Variants in GRM5 observed in about 807,000 individuals in gnomAD.
GRM5 encodes metabotropic glutamate receptor 5.
A neutral mutation model predicts 83.1 loss-of-function variants in GRM5; 19 were observed. The observed-to-expected ratio is 0.23, with a 90% confidence interval of 0.16 to 0.34. The LOEUF (loss-of-function observed/expected upper bound fraction) is 0.34, where lower values mean the gene tolerates loss of function less well. GRM5 is among the 10% of genes least tolerant of loss of function. The pLI is 1.00. For synonymous variants in GRM5, 675 were observed against 633.6 expected, an observed-to-expected ratio of 1.07 and a Z score of -0.98; for missense variants, 1,160 against 1,588.3, an observed-to-expected ratio of 0.73 and a Z score of 4.58.
intron 6 of GRM5, among the ~76,000 whole-genome samples, chr11:88,596,689 T>C (rs1054895344): frequency 6.6e-6 from 1 of 152,118 alleles, no homozygotes; most frequent in African/African-American, 2.4e-5. Context: ...ATCCCTTTTG[T>C]ACAAACTTAT....
intron 3 of GRM5, among the ~76,000 whole-genome samples, chr11:88,748,566 G>A (rs1038100146): frequency 6.6e-6 from 1 of 152,120 alleles, no homozygotes; most frequent in Admixed American, 6.5e-5. Context: ...TCACCGCAAT[G>A]CAGTGTACCT....
Position 88,982,771 on chromosome 11 carries a change from C to T in GRM5, c.661+64441G>A, listed in dbSNP as rs1399753519. ...TCAGTACATTTGTACTGATTTCCAT[C>T]TTATATAGAAGTTGGCCGGGTGCAG... On this transcript the variant is annotated intron_variant, in intron 2 of 9. Transcript: ENST00000305447. 3.9e-5 allele frequency among the ~76,000 whole-genome samples: 6 copies of T among 152,244 alleles called. No homozygotes were observed. The South Asian group carries it at 1.0e-3, about 26-fold the overall frequency.
intron 4 of GRM5, among the ~76,000 whole-genome samples, chr11:88,606,540 AC>A (rs1413080200): frequency 6.6e-6 from 1 of 152,082 alleles, no homozygotes; most frequent in Non-Finnish European, 1.5e-5. Context: ...AAAACAAACA[AC>A]CAAAAAAGAT....
intron 3 of GRM5, among the ~76,000 whole-genome samples, chr11:88,660,847 CAT>C (rs1462300293): frequency 6.6e-6 from 1 of 152,156 alleles, no homozygotes; most frequent in African/African-American, 2.4e-5. Flanking sequence ...TAACTTCTCA[CAT>C]GTTTTCTGAT....
At chr11:89,039,547 A>AT (rs907610394) in intron 2 of GRM5, among the ~76,000 whole-genome samples, 42 of 152,088 alleles carry the variant, frequency 2.8e-4, no homozygotes, top group Non-Finnish European at 5.3e-4. Context: ...CAAAAAAAAA[A>AT]TTTTTTAAAT....
At chr11:88,882,034 G>A (rs938559425) in intron 2 of GRM5, among the ~76,000 whole-genome samples, 3 of 151,832 alleles carry the variant, frequency 2.0e-5, no homozygotes, top group African/African-American at 2.4e-5. Flanking sequence ...TTGAGCTCAG[G>A]ACTTTGAGAC....
chr11:88,527,200 T>C (rs1941900358), intron 8 of GRM5, among the ~76,000 whole-genome samples: 1 of 152,218 alleles, frequency 6.6e-6, no homozygotes, highest in Non-Finnish European at 1.5e-5. Context: ...AGAATATTGA[T>C]AGAATAATAA....
intron 2 of GRM5, among the ~76,000 whole-genome samples, chr11:88,933,298 A>G (rs1937777637): frequency 6.7e-6 from 1 of 149,832 alleles, no homozygotes; most frequent in Non-Finnish European, 1.5e-5. Context: ...TCATAATTAA[A>G]AAATAATAAT....
chr11:88,970,990 G>C (rs188077942), intron 2 of GRM5, among the ~76,000 whole-genome samples: 1 of 152,186 alleles, frequency 6.6e-6, no homozygotes, highest in East Asian at 1.9e-4. Flanking sequence ...ACCCAATATG[G>C]ATGTGAGTCA....
intron 6 of GRM5, among the ~76,000 whole-genome samples, chr11:88,593,269 A>T (rs1373416161): frequency 6.6e-6 from 1 of 152,210 alleles, no homozygotes; most frequent in Non-Finnish European, 1.5e-5. Flanking sequence ...ATATTAAGAA[A>T]ATCTTCTAAA....
At chr11:88,609,216 A>G (rs1201468299) in intron 4 of GRM5, among the ~76,000 whole-genome samples, 13 of 152,176 alleles carry the variant, frequency 8.5e-5, no homozygotes, top group Admixed American at 8.5e-4. Context: ...TTCAATGTTT[A>G]GCGCCCACTT....
At chr11:88,553,882 G>T (rs986559919) in intron 8 of GRM5, among the ~76,000 whole-genome samples, 1 of 152,070 alleles carries the variant, frequency 6.6e-6, no homozygotes, top group African/African-American at 2.4e-5. Flanking sequence ...GTTTTGGGTA[G>T]GGAAGACCAA....
At chr11:88,934,719 T>C (rs1305502764) in intron 2 of GRM5, among the ~76,000 whole-genome samples, 1 of 151,892 alleles carries the variant, frequency 6.6e-6, no homozygotes, top group Non-Finnish European at 1.5e-5. Context: ...GGTCTTATAA[T>C]TGAATATACA....
chr11:88,927,974 G>A (rs1368737105), intron 2 of GRM5, among the ~76,000 whole-genome samples: 1 of 151,936 alleles, frequency 6.6e-6, no homozygotes, highest in African/African-American at 2.4e-5. Flanking sequence ...AGCAGGGCCC[G>A]GTAGCCCACC....
At chr11:88,666,824 A>G (rs941236874) in intron 3 of GRM5, among the ~76,000 whole-genome samples, 2 of 152,224 alleles carry the variant, frequency 1.3e-5, no homozygotes, top group Non-Finnish European at 2.9e-5. Context: ...ATGAACATAC[A>G]ACCAGATGTA....
intron 9 of GRM5, among the ~76,000 whole-genome samples, chr11:88,513,764 A>G (rs1303300356): frequency 6.6e-6 from 1 of 152,172 alleles, no homozygotes; most frequent in Non-Finnish European, 1.5e-5. Flanking sequence ...AAGAAAAGAA[A>G]TAAACCTCCC....
intron 2 of GRM5, among the ~76,000 whole-genome samples, chr11:88,953,710 A>C (rs746511267): frequency 8.6e-5 from 13 of 151,094 alleles, no homozygotes; most frequent in Non-Finnish European, 1.8e-4. Context: ...ACTTAATTCT[A>C]ATATCCATGC....
At chr11:88,747,339 A>G (rs1242211416) in intron 3 of GRM5, among the ~76,000 whole-genome samples, 6 of 152,212 alleles carry the variant, frequency 3.9e-5, no homozygotes, top group Non-Finnish European at 7.3e-5. Flanking sequence ...TAAACAGATT[A>G]TGACTGAAAC....
At chr11:89,011,964 T>C (rs1258601914) in intron 2 of GRM5, among the ~76,000 whole-genome samples, 1 of 152,238 alleles carries the variant, frequency 6.6e-6, no homozygotes, top group East Asian at 1.9e-4. Context: ...TCAAATTACC[T>C]TGATTCCAAA....
Sources: allele counts gnomAD v4.1 joint callset (sites outside exome capture counted in the v4.1 genomes callset), GRCh38; gene constraint gnomAD v4.1.1; transcripts MANE v1.5; gene names NCBI Gene and HGNC (gene_info 2026-07-23, HGNC 2026-07-21).